TTC28: variants seen among roughly 807,000 people sequenced by gnomAD.
TTC28 encodes the protein tetratricopeptide repeat protein 28.
Under a neutral mutation model 198.0 loss-of-function variants are expected in TTC28, and 61 were observed. The observed-to-expected ratio is 0.31, with a 90% confidence interval of 0.25 to 0.38. The LOEUF is 0.38. TTC28 is among the 10% of genes least tolerant of loss of function. The pLI, the probability that TTC28 is intolerant of heterozygous loss-of-function variation, is 1.00. For synonymous variants in TTC28, 1,171 were observed against 1,297.8 expected (o/e 0.90, Z 2.10); for missense variants, 2,678 against 3,164.0 (o/e 0.85, Z 3.69).
Position 28,309,952 on chromosome 22 carries a change from T to G in TTC28, c.382-3309A>C, listed in dbSNP as rs7290831. ...AAAGTGGGATGCCTAGATTTTCAAG[T>G]CTTCCATTCATTTATTTTCTTGTTG... On this transcript the variant is annotated intron_variant, in intron 2 of 22. Transcript: ENST00000397906. Among the ~76,000 whole-genome samples the G allele has an allele frequency of 3.6e-3, 549 of 152,246 alleles. 3 individuals are homozygous for G. The highest frequency in any genetic ancestry group is 0.013 in the African/African-American group (530 of 41,550).
intron 2 of TTC28, among the ~76,000 whole-genome samples, chr22:28,328,756 AAATAATAATAAT>A (rs199948599): frequency 0.086 from 11,516 of 134,312 alleles, 692 homozygotes; most frequent in African/African-American, 0.13. Flanking sequence ...TCTGTCTCAA[AAATAATAATAAT>A]AATAATAATA....
chr22:28,302,838 A>C (rs1246078667), intron 3 of TTC28, among the ~76,000 whole-genome samples: 1 of 152,044 alleles, frequency 6.6e-6, no homozygotes, highest in Non-Finnish European at 1.5e-5. Flanking sequence ...CTATGTTTTT[A>C]ACATAACATT....
At chr22:28,535,429 T>A (rs1336936558) in intron 2 of TTC28, among the ~76,000 whole-genome samples, 1 of 152,230 alleles carries the variant, frequency 6.6e-6, no homozygotes, top group Non-Finnish European at 1.5e-5. Flanking sequence ...TTTTGAATTT[T>A]ATTTAAATGA....
chr22:28,523,128 G>A (rs2048940477), intron 2 of TTC28, among the ~76,000 whole-genome samples: 1 of 151,622 alleles, frequency 6.6e-6, no homozygotes, highest in African/African-American at 2.4e-5. Flanking sequence ...TAAATATAAA[G>A]ACACAGAGAG....
intron 2 of TTC28, among the ~76,000 whole-genome samples, chr22:28,524,329 G>A (rs868094985): frequency 1.3e-5 from 2 of 151,652 alleles, no homozygotes; most frequent in African/African-American, 2.4e-5. Flanking sequence ...GCATGGTGGC[G>A]GGCGCCTGTA....
intron 2 of TTC28, among the ~76,000 whole-genome samples, chr22:28,529,360 C>T (rs575394200): frequency 3.0e-4 from 46 of 152,268 alleles, no homozygotes; most frequent in East Asian, 1.2e-3. Flanking sequence ...GGCTGGGGGA[C>T]GGGCGCCCAC....
At chr22:28,597,150 ATT>A (rs1453481016) in intron 2 of TTC28, among the ~76,000 whole-genome samples, 5 of 152,142 alleles carry the variant, frequency 3.3e-5, no homozygotes, top group Admixed American at 6.6e-5. Flanking sequence ...TAGTTTGTGC[ATT>A]TTTTGTCTTT....
At chr22:28,253,672 T>C (rs536257898) in intron 5 of TTC28, among the ~76,000 whole-genome samples, 1 of 152,230 alleles carries the variant, frequency 6.6e-6, no homozygotes, top group South Asian at 2.1e-4. Context: ...GAGCTAGGTG[T>C]GATATTTAAA....
chr22:28,657,984 A>G (rs1376513758), intron 1 of TTC28, among the ~76,000 whole-genome samples: 1 of 152,204 alleles, frequency 6.6e-6, no homozygotes, highest in Non-Finnish European at 1.5e-5. Flanking sequence ...GCCTTACATT[A>G]AAACTTTGCA....
At chr22:28,162,413 T>C (rs1921318054) in intron 6 of TTC28, among the ~76,000 whole-genome samples, 1 of 152,220 alleles carries the variant, frequency 6.6e-6, no homozygotes, top group African/African-American at 2.4e-5. Flanking sequence ...GCAAAAATCC[T>C]TTCATGTTCT....
chr22:27,993,258 G>A lies in TTC28; in HGVS notation c.5476+29C>T, dbSNP rs548649789. The A allele has an allele frequency of 5.8e-5, 85 of 1,477,262 alleles. No individual in the cohort carries two copies. The African/African-American group carries it at 1.1e-3, about 18-fold the overall frequency. 91.5% of individuals were successfully genotyped at this position (1,477,262 alleles called of 1,614,324 possible). On this transcript the variant is annotated intron_variant, in intron 18 of 22. Transcript: ENST00000397906. ...GTTCCACCTGCTGTCAGCCAGGCCT[G>A]TTGCCCCAGCCCTACACCCACAGCT... is the stretch of plus-strand genomic sequence containing the variant.
intron 5 of TTC28, among the ~76,000 whole-genome samples, chr22:28,283,464 A>G (rs1282282922): frequency 6.6e-6 from 1 of 152,200 alleles, no homozygotes; most frequent in Admixed American, 6.5e-5. Flanking sequence ...TTTCAGAGAA[A>G]GTGCTGTGGT....
intron 2 of TTC28, among the ~76,000 whole-genome samples, chr22:28,602,034 T>C (rs73882788): frequency 0.02 from 2,984 of 152,248 alleles, 99 homozygotes; most frequent in African/African-American, 0.068. Context: ...ATGGACTGGA[T>C]GCTAGGATCA....
intron 2 of TTC28, among the ~76,000 whole-genome samples, chr22:28,544,473 TAAG>T (rs994263939): frequency 6.6e-5 from 10 of 152,218 alleles, no homozygotes; most frequent in African/African-American, 1.9e-4. Context: ...AAGGCTTCTA[TAAG>T]AAAACTTAAC....
chr22:28,032,601 G>A (rs1032052483), intron 12 of TTC28, among the ~76,000 whole-genome samples: 4 of 152,068 alleles, frequency 2.6e-5, no homozygotes, highest in African/African-American at 4.8e-5. Context: ...ACAACTCTGT[G>A]AGGTAGCTCT....
intron 2 of TTC28, among the ~76,000 whole-genome samples, chr22:28,606,093 T>G (rs1228312012): frequency 6.7e-6 from 1 of 150,048 alleles, no homozygotes; most frequent in Non-Finnish European, 1.5e-5. Context: ...CTTTTTTTTT[T>G]TGTTTTTTGA....
intron 2 of TTC28, among the ~76,000 whole-genome samples, chr22:28,483,197 T>C (rs1169285304): frequency 6.6e-6 from 1 of 152,174 alleles, no homozygotes; most frequent in African/African-American, 2.4e-5. Flanking sequence ...TCTGCTCTCA[T>C]GAAGTTTACA....
intron 2 of TTC28, among the ~76,000 whole-genome samples, chr22:28,339,419 G>A (rs1301494740): frequency 1.3e-5 from 2 of 152,186 alleles, no homozygotes; most frequent in South Asian, 4.1e-4. Context: ...CTTCAAAGCT[G>A]TCAGACAGGG....
Position 28,306,483 on chromosome 22 carries a change from T to G in TTC28, c.529+13A>C, listed in dbSNP as rs1253201580. ...TAAATTAATGTTATACCAAGTACTTTTATCATATTTACCTCTCATGGGAGA... is the reference window on the plus strand; with the variant it reads ...TAAATTAATGTTATACCAAGTACTTGTATCATATTTACCTCTCATGGGAGA... On this transcript the variant is annotated intron_variant, in intron 3 of 22. Coordinates refer to ENST00000397906, the MANE Select transcript of TTC28 (RefSeq NM_001145418.2). 18 of 1,546,774 alleles carry G rather than the reference T, an allele frequency of 1.2e-5. 1 individual carries two copies. The South Asian group carries it at 1.9e-4, about 17-fold the overall frequency.
Sources: allele counts gnomAD v4.1 joint callset (sites outside exome capture counted in the v4.1 genomes callset), GRCh38; gene constraint gnomAD v4.1.1; transcripts MANE v1.5; gene names NCBI Gene and HGNC (gene_info 2026-07-23, HGNC 2026-07-21).